VEZT: variants seen among roughly 807,000 people sequenced by gnomAD.
VEZT encodes vezatin.
A neutral mutation model predicts 79.9 loss-of-function variants in VEZT; 39 were observed. That is an observed-to-expected ratio of 0.49 (90% confidence interval 0.38 to 0.64). VEZT has a LOEUF of 0.64. Ranked by LOEUF, VEZT falls within the 30% of genes least tolerant of loss-of-function variation. The pLI, the probability that VEZT is intolerant of heterozygous loss-of-function variation, is 0.00. For synonymous variants in VEZT, 325 were observed against 327.6 expected (o/e 0.99, Z 0.09); for missense variants, 837 against 893.1 (o/e 0.94, Z 0.80).
At chr12:95,275,564 C>G (rs2067499973) in intron 7 of VEZT, among the ~76,000 whole-genome samples, 1 of 142,296 alleles carries the variant, frequency 7.0e-6, no homozygotes, top group Non-Finnish European at 1.5e-5. Context: ...GTGACAATAG[C>G]AAAACTCCAT....
At chr12:95,258,205 A>C in intron 3 of VEZT, 2 of 455,642 alleles carry the variant, frequency 4.4e-6, no homozygotes, top group Non-Finnish European at 4.4e-6. Context: ...AAGGTCAATG[A>C]AGTGTCTTAT....
intron 1 of VEZT, chr12:95,218,246 G>T: frequency 5.3e-6 from 1 of 187,206 alleles, no homozygotes; most frequent in South Asian, 1.7e-4. Context: ...TCACAACTTA[G>T]CCTCCTCCTT....
chr12:95,300,357 A>G lies in VEZT; in HGVS notation c.2024A>G (p.Asp675Gly), dbSNP rs2075048537. Residue 675 changes from aspartate (D) to glycine (G), a missense_variant, in exon 12 of 12, where the codon GAT becomes GGT. Transcript: ENST00000436874. ...CENSLEGKNK[D>G]NSSNEVFPQG... ...AACTCTCTAGAAGGTAAAAATAAAG[A>G]TAATTCTTCAAATGAAGTCTTCCCC... 1 of 1,613,066 alleles carries G rather than the reference A, an allele frequency of 6.2e-7. No individual in the cohort carries two copies. The highest frequency in any genetic ancestry group is 8.5e-7 in the Non-Finnish European group (1 of 1,179,514).
chr12:95,248,040 T>G (rs1433551174), intron 1 of VEZT, among the ~76,000 whole-genome samples: 3 of 152,220 alleles, frequency 2.0e-5, no homozygotes, highest in African/African-American at 7.2e-5. Context: ...TGAAACAAAG[T>G]ATGGTGATCA....
Position 95,292,847 on chromosome 12 carries a change from C to CTTT in VEZT, c.1523-1406_1523-1404dup, listed in dbSNP as rs1204643991. On this transcript the variant is annotated intron_variant, in intron 9 of 11. Transcript: ENST00000436874. Reference sequence around the variant, plus strand: ...CAGGTGTGAGCCACTGTACCTGGCCCTTTTTTTTTTTTTTTTTTTTTGAGA... The same window carrying CTTT: ...CAGGTGTGAGCCACTGTACCTGGCCCTTTTTTTTTTTTTTTTTTTTTTTTGAGA... Among the ~76,000 whole-genome samples, 66 of 96,458 alleles carry CTTT rather than the reference C, an allele frequency of 6.8e-4. 1 individual carries two copies. Among genetic ancestry groups the CTTT allele is most frequent in the African/African-American group, 1.9e-3 (42 of 21,664 alleles). 63.3% of individuals were successfully genotyped at this position (96,458 alleles called of 152,430 possible).
chr12:95,284,754 C>G (rs548976604), intron 8 of VEZT, among the ~76,000 whole-genome samples: 2 of 152,172 alleles, frequency 1.3e-5, no homozygotes, highest in African/African-American at 4.8e-5. Context: ...CCTGTAATCC[C>G]AGCACTTTGG....
chr12:95,282,805 A>G (rs2069531180), intron 8 of VEZT, among the ~76,000 whole-genome samples, 161 bp downstream of exon 8: 4 of 151,372 alleles, frequency 2.6e-5, no homozygotes, highest in Admixed American at 2.0e-4. Context: ...AAAAAAAAAA[A>G]TAATTTATAA....
chr12:95,248,561 A>C (rs943278620), intron 1 of VEZT, among the ~76,000 whole-genome samples: 1 of 152,216 alleles, frequency 6.6e-6, no homozygotes. Flanking sequence ...CTGATGAGAG[A>C]GCATCTGCTA....
chr12:95,288,313 TA>T (rs1411657626), intron 9 of VEZT, among the ~76,000 whole-genome samples: 1 of 152,208 alleles, frequency 6.6e-6, no homozygotes, highest in Non-Finnish European at 1.5e-5. Flanking sequence ...TACTAAGATC[TA>T]AAGACATTGT....
At chr12:95,244,310 G>A (rs1228388459) in intron 1 of VEZT, among the ~76,000 whole-genome samples, 1 of 152,038 alleles carries the variant, frequency 6.6e-6, no homozygotes, top group South Asian at 2.1e-4. Flanking sequence ...AGGATTCCTC[G>A]AGCCCAGGAG....
In VEZT at chr12:95,229,808, G is replaced by A. The variant is rs1954436570; in HGVS notation, c.36+11922G>A. On this transcript the variant is annotated intron_variant, in intron 1 of 11. Coordinates refer to ENST00000436874, the MANE Select transcript of VEZT (RefSeq NM_017599.4). ...CAGTGTTAGAAAGTGTACTAACTTC[G>A]ACCAGATGTGGTGGCTCATGCCTGT... Among the ~76,000 whole-genome samples the A allele has an allele frequency of 2.0e-5, 3 of 152,094 alleles. No homozygotes were observed. The South Asian group carries it at 6.2e-4, about 32-fold the overall frequency.
At chr12:95,244,231 AT>A (rs2061431563) in intron 1 of VEZT, among the ~76,000 whole-genome samples, 1 of 152,048 alleles carries the variant, frequency 6.6e-6, no homozygotes, top group Non-Finnish European at 1.5e-5. Flanking sequence ...TGTCTCTAAA[AT>A]AAAAAACAAT....
intron 1 of VEZT, among the ~76,000 whole-genome samples, chr12:95,222,493 C>CA (rs2057774063): frequency 1.0e-5 from 1 of 98,910 alleles, no homozygotes; most frequent in South Asian, 3.0e-4. Context: ...TCTTCTTTGC[C>CA]ATTGATCATT....
chr12:95,240,165 G>C (rs1366103839), intron 1 of VEZT, among the ~76,000 whole-genome samples: 2 of 152,166 alleles, frequency 1.3e-5, no homozygotes, highest in Non-Finnish European at 1.5e-5. Flanking sequence ...CAGTAGATGT[G>C]CTGGATTGTG....
chr12:95,282,537 G>T lies in VEZT; in HGVS notation c.1221G>T (p.Gln407His), dbSNP rs771885639. ...ATCGGTACTTTGAAACTCAGCACCA[G>T]TCAGTACCGCAGTGTTTATCCAAAA... Reference protein sequence around the residue: ...EFYRYFETQHQSVPQCLSKTQ... With the variant: ...EFYRYFETQHHSVPQCLSKTQ... The change falls in exon 8 of 12, where the codon CAG becomes CAT. Residue 407 changes from glutamine to histidine, a missense_variant. Transcript: ENST00000436874. The T allele has an allele frequency of 2.5e-6, 4 of 1,613,990 alleles. No individual in the cohort carries two copies. In the South Asian group the frequency reaches 4.4e-5, roughly 18 times the overall value.
At chr12:95,245,659 A>G (rs1161878028) in intron 1 of VEZT, 2 of 434,368 alleles carry the variant, frequency 4.6e-6, no homozygotes, top group East Asian at 7.1e-5. Flanking sequence ...AAGAGTTTAA[A>G]GCAGTTTAAA....
At chr12:95,273,105 A>G (rs563140083) in intron 6 of VEZT, among the ~76,000 whole-genome samples, 6 of 152,344 alleles carry the variant, frequency 3.9e-5, no homozygotes, top group Non-Finnish European at 5.9e-5. Flanking sequence ...GAGATTGGAC[A>G]TAGGATAAAG....
rs1394115342 is a variant in VEZT at position 95,266,643 on chromosome 12, TTTTTA to T, written c.710+20_710+24del. 5.7e-6 allele frequency: 9 copies of T among 1,571,138 alleles called. No homozygotes were observed. The highest frequency in any genetic ancestry group is 1.2e-5 in the South Asian group (1 of 84,798). On this transcript the variant is annotated intron_variant, in intron 5 of 11. Coordinates refer to ENST00000436874, the MANE Select transcript of VEZT (RefSeq NM_017599.4). ...CAGAGGATTTACACTGTGAGTTCATTTTTTATTTTATTTCTTAAATGATTATTTTC... is the reference window on the plus strand; with the variant it reads ...CAGAGGATTTACACTGTGAGTTCATTTTTTATTTCTTAAATGATTATTTTC...
intron 1 of VEZT, among the ~76,000 whole-genome samples, chr12:95,241,903 C>G (rs1328695426): frequency 5.3e-5 from 8 of 152,148 alleles, no homozygotes; most frequent in Admixed American, 5.2e-4. Context: ...TCCACTGAGA[C>G]TAGCAACTTG....
Sources: gnomAD v4.1 joint callset for allele counts (sites outside exome capture counted in the v4.1 genomes callset) on GRCh38, gnomAD v4.1.1 for gene constraint, MANE v1.5 for transcripts, NCBI Gene and HGNC (gene_info 2026-07-23, HGNC 2026-07-21) for gene names.